The following CACNA1H variants were observed in gnomAD, a reference collection of about 807,000 sequenced individuals.
CACNA1H encodes the protein voltage-dependent T-type calcium channel subunit alpha-1H.
In CACNA1H, 149 loss-of-function variants were observed where a neutral mutation model predicts 192.5. The observed-to-expected ratio is 0.77, with a 90% CI of 0.68 to 0.89. The LOEUF is 0.89. CACNA1H is among the 40% of genes least tolerant of loss of function. CACNA1H has a pLI of 0.00. For missense variants in CACNA1H, 4,257 were observed against 3,423.5 expected (o/e 1.24, Z -6.08); for synonymous variants, 2,202 against 1,475.2 (o/e 1.49, Z -11.29).
Position 1,207,340 on chromosome 16 carries a change from C to A in CACNA1H, c.2973C>A (p.Ala991=). 6.2e-7 allele frequency: 1 copy of A among 1,612,236 alleles called. No homozygotes were observed. The highest frequency in any genetic ancestry group is 8.5e-7 in the Non-Finnish European group (1 of 1,179,406). Residue 991 remains alanine, a synonymous_variant, in exon 14 of 35, where the codon GCC becomes GCA. Transcript: ENST00000348261. ...YNGMASTSSW[A]ALYFVALMTF... ...GCATGGCCTCCACCTCCTCCTGGGC[C>A]GCCCTCTACTTCGTGGCCCTCATGA...
chr16:1,211,877 C>CG (rs1381647135), intron 24 of CACNA1H, 69 bp from the exon 25 acceptor site: 11 of 1,609,690 alleles, frequency 6.8e-6, no homozygotes, highest in Non-Finnish European at 7.6e-6. Flanking sequence ...TCTGGGGACT[C>CG]GGGGGGCCAT....
chr16:1,212,234 T>C, intron 25 of CACNA1H, 96 bp downstream of exon 25: 1 of 1,465,862 alleles, frequency 6.8e-7, no homozygotes, highest in South Asian at 1.3e-5. Context: ...CCTCCCCGAA[T>C]GGCTCTGCAC....
At chr16:1,170,978 C>G (rs1964309216) in intron 2 of CACNA1H, among the ~76,000 whole-genome samples, 1 of 152,066 alleles carries the variant, frequency 6.6e-6, no homozygotes, top group Admixed American at 6.5e-5. Flanking sequence ...ACAGGTACAG[C>G]CAGGTGTCAG....
intron 30 of CACNA1H, among the ~76,000 whole-genome samples, chr16:1,215,929 C>A (rs1286868623): frequency 6.6e-6 from 1 of 152,130 alleles, no homozygotes; most frequent in Non-Finnish European, 1.5e-5. Context: ...GGAATACACC[C>A]AGGATGCAGG....
chr16:1,171,548 A>G (rs184016159), intron 2 of CACNA1H, among the ~76,000 whole-genome samples: 7 of 152,168 alleles, frequency 4.6e-5, no homozygotes, highest in African/African-American at 1.7e-4. Flanking sequence ...TTTATTTTCC[A>G]GGCATTAAAC....
At chr16:1,175,057 C>A (rs1006466260) in intron 2 of CACNA1H, among the ~76,000 whole-genome samples, 1 of 152,014 alleles carries the variant, frequency 6.6e-6, no homozygotes, top group African/African-American at 2.4e-5. Flanking sequence ...TATCAGGAGT[C>A]CTACTCTACG....
rs370448824 is a variant in CACNA1H, at chr16:1,213,162, A to G, written c.4778-618A>G. Among the ~76,000 whole-genome samples, 3 of 152,348 alleles carry G rather than the reference A, an allele frequency of 2.0e-5. No individual in the cohort carries two copies. The East Asian group carries it at 5.8e-4, about 29-fold the overall frequency. On this transcript the variant is annotated intron_variant, in intron 26 of 34. Transcript: ENST00000348261. Reference sequence around the variant, plus strand: ...TGGAGTCCGGCAGACCCTAGACCACAGCCCATGGCCCCTTGGAGGATGGGG... The same window carrying G: ...TGGAGTCCGGCAGACCCTAGACCACGGCCCATGGCCCCTTGGAGGATGGGG...
chr16:1,220,542 G>A lies in CACNA1H; in HGVS notation c.6610G>A (p.Ala2204Thr). 3 of 1,532,488 alleles carry A rather than the reference G, an allele frequency of 2.0e-6. No individual in the cohort carries two copies. Among genetic ancestry groups the A allele is most frequent in the Non-Finnish European group, 2.6e-6 (3 of 1,146,824 alleles). 94.9% of individuals were successfully genotyped at this position (1,532,488 alleles called of 1,614,324 possible). Reference sequence around the variant, plus strand: ...ACCCCCTGCGGAGGACGAGGGCTCTGCGCGGCCCTCCGCGGCAGAGGGCGG... The same window carrying A: ...ACCCCCTGCGGAGGACGAGGGCTCTACGCGGCCCTCCGCGGCAGAGGGCGG... ...VEPPAEDEGSARPSAAEGGST... is the reference protein window; with the variant it reads ...VEPPAEDEGSTRPSAAEGGST... Residue 2204 changes from alanine (A) to threonine (T), a missense_variant, in exon 35 of 35, where the codon GCG becomes ACG. Physicochemically the swap from Ala to Thr is moderately conservative, Grantham distance 58. Coordinates refer to ENST00000348261, the MANE Select transcript of CACNA1H (RefSeq NM_021098.3).
chr16:1,163,370 C>G (rs2151663529), intron 2 of CACNA1H, among the ~76,000 whole-genome samples: 1 of 152,334 alleles, frequency 6.6e-6, no homozygotes, highest in East Asian at 1.9e-4. Context: ...CCCCATGGCA[C>G]CTCGTGCTCC....
chr16:1,218,739 G>A, intron 33 of CACNA1H, 88 bp downstream of exon 33: 4 of 1,322,034 alleles, frequency 3.0e-6, no homozygotes, highest in Non-Finnish European at 3.1e-6. Flanking sequence ...ATGGGGTCAG[G>A]CCAGAGCAGG....
At chr16:1,183,324 G>A (rs1179575151) in intron 2 of CACNA1H, among the ~76,000 whole-genome samples, 1 of 152,184 alleles carries the variant, frequency 6.6e-6, no homozygotes, top group Non-Finnish European at 1.5e-5. Flanking sequence ...CCCTTCCTGA[G>A]TTAAAACCCT....
intron 22 of CACNA1H, 36 bp downstream of exon 22, chr16:1,211,330 T>C (rs765394076): frequency 1.2e-6 from 2 of 1,611,802 alleles, no homozygotes; most frequent in Non-Finnish European, 1.7e-6. Flanking sequence ...GTCTGCCCCG[T>C]CGCAGACAGG....
At chr16:1,202,562 C>A in intron 9 of CACNA1H, 110 bp downstream of exon 9, 2 of 990,790 alleles carry the variant, frequency 2.0e-6, no homozygotes, top group Non-Finnish European at 2.9e-6. Context: ...ATGAGCCCAG[C>A]TTTGACTTGT....
chr16:1,176,020 G>A (rs559823961), intron 2 of CACNA1H, among the ~76,000 whole-genome samples: 60 of 152,218 alleles, frequency 3.9e-4, no homozygotes, highest in South Asian at 8.3e-4. Context: ...TCCCAACCCC[G>A]TTCGTGGAGG....
chr16:1,207,803 A>G lies in CACNA1H; in HGVS notation c.3097A>G (p.Lys1033Glu), dbSNP rs773603581. 5 of 1,603,392 alleles carry G rather than the reference A, an allele frequency of 3.1e-6. No individual in the cohort carries two copies. In the East Asian group the frequency reaches 1.1e-4, roughly 36 times the overall value. Residue 1033 changes from lysine to glutamate, a missense_variant, in exon 15 of 35, where the codon AAG becomes GAG. Physicochemically the swap from Lys to Glu is moderately conservative, Grantham distance 56 (BLOSUM62 1). Coordinates refer to ENST00000348261, the MANE Select transcript of CACNA1H (RefSeq NM_021098.3). ...CAACAGATCCGACACGGACGAGGAC[A>G]AGACGTCGGTCCACTTCGAGGAGGA... ...DANRSDTDED[K>E]TSVHFEEDFH... is the part of the protein sequence containing the mutation.
chr16:1,194,758 C>T (rs58721033), intron 2 of CACNA1H, among the ~76,000 whole-genome samples: 1 of 152,176 alleles, frequency 6.6e-6, no homozygotes, highest in Admixed American at 6.5e-5. Flanking sequence ...GGGACCCTCA[C>T]GGAGCAGAGC....
Position 1,215,326 on chromosome 16 carries a change from C to A in CACNA1H, c.5124C>A (p.Pro1708=), listed in dbSNP as rs765715871. ...LEEIEMSAAL[P]INPTIIRIMR... is the part of the protein sequence containing the mutation. ...AGATAGAGATGAGCGCCGCGCTGCC[C>A]ATCAACCCCACCATCATCCGCATCA... The change falls in exon 29 of 35, where the codon CCC becomes CCA. Residue 1708 remains proline, a synonymous_variant. Transcript: ENST00000348261. 2.7e-5 allele frequency: 44 copies of A among 1,611,614 alleles called. No individual in the cohort carries two copies. Among genetic ancestry groups the A allele is most frequent in the Non-Finnish European group, 3.4e-5 (40 of 1,179,364 alleles).
intron 2 of CACNA1H, among the ~76,000 whole-genome samples, chr16:1,183,980 A>G (rs918710633): frequency 2.6e-5 from 4 of 152,250 alleles, no homozygotes; most frequent in African/African-American, 9.6e-5. Flanking sequence ...CTGCCTCGGC[A>G]GCTGTGGCTG....
chr16:1,212,479 T>A (rs56911310), intron 25 of CACNA1H, 32 bp from the exon 26 acceptor site: 1 of 1,606,014 alleles, frequency 6.2e-7, no homozygotes, highest in Non-Finnish European at 8.5e-7. Flanking sequence ...CGCCACGCCC[T>A]CGGCCCTCAG....
Sources: gnomAD v4.1 joint callset for allele counts (sites outside exome capture counted in the v4.1 genomes callset) on GRCh38, gnomAD v4.1.1 for gene constraint, MANE v1.5 for transcripts, NCBI Gene and HGNC (gene_info 2026-07-23, HGNC 2026-07-21) for gene names.